The following SRP68 variants were observed in gnomAD, a reference collection of about 807,000 sequenced individuals.
The protein encoded by SRP68 is signal recognition particle 68.
SRP68 carries 15 observed loss-of-function variants against 82.2 expected under a neutral mutation model. The ratio of observed to expected loss-of-function variants is 0.18; its 90% CI spans 0.12 to 0.28. The LOEUF (loss-of-function observed/expected upper bound fraction) is 0.28. Ranked by LOEUF, SRP68 falls within the 10% of genes least tolerant of loss-of-function variation. The pLI is 1.00. For synonymous variants in SRP68, 261 were observed against 292.6 expected, an observed-to-expected ratio of 0.89 and a Z score of 1.10; for missense variants, 595 against 780.5, an observed-to-expected ratio of 0.76 and a Z score of 2.83.
intron 3 of SRP68, among the ~76,000 whole-genome samples, chr17:76,065,818 T>C (rs1487666737): frequency 6.6e-6 from 1 of 151,936 alleles, no homozygotes; most frequent in Non-Finnish European, 1.5e-5. Context: ...CATTGCACTT[T>C]TACTGTAGCA....
chr17:76,065,324 T>G (rs1220303651), intron 3 of SRP68, among the ~76,000 whole-genome samples: 1 of 150,822 alleles, frequency 6.6e-6, no homozygotes, highest in Non-Finnish European at 1.5e-5. Flanking sequence ...GGCATGGTGG[T>G]ACATGCCTAT....
rs1228917043 is a variant in SRP68 at position 76,046,620 on chromosome 17, A to T, written c.1143-426T>A. 5.3e-5 allele frequency among the ~76,000 whole-genome samples: 8 copies of T among 151,988 alleles called. No individual in the cohort carries two copies. The East Asian group carries it at 1.4e-3, about 26-fold the overall frequency. ...AATAGAGCAAAACCTTGACTCTAAA[A>T]ATTGAAAACAACAACAACAACAAAA... On this transcript the variant is annotated intron_variant, in intron 10 of 15. Coordinates refer to ENST00000307877, the MANE Select transcript of SRP68 (RefSeq NM_014230.4).
chr17:76,072,123 C>G lies in SRP68; in HGVS notation c.184+185G>C. On this transcript the variant is annotated intron_variant, in intron 1 of 15. Transcript: ENST00000307877. This position sits in a 1 kb window ranked among gnomAD's most constrained non-coding sequence, Gnocchi z 4.5. ...CCTAGCCAGGACGGCGAGGGGGACA[C>G]GAGGAAAGACTAGTCGAGAGACAGA... 8.5e-7 allele frequency: 1 copy of G among 1,179,048 alleles called. No homozygotes were observed. Among genetic ancestry groups the G allele is most frequent in the Non-Finnish European group, 1.2e-6 (1 of 850,896 alleles). The allele number at this position is 1,179,048 out of a possible 1,614,324, so 73.0% of individuals were successfully genotyped here.
intron 4 of SRP68, among the ~76,000 whole-genome samples, chr17:76,062,394 T>C (rs2066758929): frequency 6.9e-6 from 1 of 145,330 alleles, no homozygotes; most frequent in Non-Finnish European, 1.5e-5. Flanking sequence ...AGTTCATGAC[T>C]GCAGCGAGCC....
Position 76,072,182 on chromosome 17 carries a change from G to C in SRP68, c.184+126C>G. 6.4e-7 allele frequency: 1 copy of C among 1,552,060 alleles called. No individual in the cohort carries two copies. Among genetic ancestry groups the C allele is most frequent in the Non-Finnish European group, 8.6e-7 (1 of 1,157,500 alleles). ...GGAATTCTGAGCACCAAAAGGTAAG[G>C]GCGAGAGAAACTGCAACCCTCGGCC... is the stretch of plus-strand genomic sequence containing the variant. On this transcript the variant is annotated intron_variant, in intron 1 of 15. Transcript: ENST00000307877. This position sits in a 1 kb window ranked among gnomAD's most constrained non-coding sequence, Gnocchi z 4.5.
chr17:76,060,480 C>T (rs1476891452), intron 6 of SRP68, 90 bp from the exon 7 acceptor site: 8 of 821,370 alleles, frequency 9.7e-6, no homozygotes, highest in Non-Finnish European at 1.6e-5. Context: ...AGCTCTTCCC[C>T]CTCCACATGC....
At chr17:76,065,978 G>C (rs1363333201) in intron 3 of SRP68, among the ~76,000 whole-genome samples, 1 of 151,564 alleles carries the variant, frequency 6.6e-6, no homozygotes, top group Non-Finnish European at 1.5e-5. Context: ...ATGTGAATGG[G>C]CGTGGCTGGG....
In SRP68 at chr17:76,061,128, A is replaced by T; in HGVS notation, c.736T>A (p.Tyr246Asn). ...RVEEISPNIRYCAYNIGDQSA... is the reference protein window; with the variant it reads ...RVEEISPNIRNCAYNIGDQSA... ...CTCTCACCAATATTATATGCACAAT[A>T]GCGGATGTTGGGTGAAATCTCTTCC... Residue 246 changes from tyrosine to asparagine, a missense_variant, in exon 6 of 16, where the codon TAT becomes AAT. By Grantham distance (143) the Tyr-to-Asn change is moderately radical (BLOSUM62 -2). Transcript: ENST00000307877. The T allele has an allele frequency of 6.2e-7, 1 of 1,611,408 alleles. No individual in the cohort carries two copies. Among genetic ancestry groups the T allele is most frequent in the Non-Finnish European group, 8.5e-7 (1 of 1,177,492 alleles).
intron 11 of SRP68, 39 bp from the exon 12 acceptor site, chr17:76,045,425 G>A: frequency 1.4e-6 from 2 of 1,472,600 alleles, no homozygotes; most frequent in Non-Finnish European, 1.9e-6. Flanking sequence ...ATGAAGAGTA[G>A]ATCTTAGGTT....
At chr17:76,049,835 G>A (rs543649323) in intron 9 of SRP68, among the ~76,000 whole-genome samples, 1 of 152,292 alleles carries the variant, frequency 6.6e-6, no homozygotes, top group East Asian at 1.9e-4. Flanking sequence ...TCAATCCCTA[G>A]AGGAAATCAC....
chr17:76,051,447 G>GA (rs1209252263), intron 8 of SRP68, among the ~76,000 whole-genome samples: 3 of 152,078 alleles, frequency 2.0e-5, no homozygotes, highest in Admixed American at 6.5e-5. Flanking sequence ...CACTCAATCT[G>GA]AAAAAATGTG....
intron 13 of SRP68, among the ~76,000 whole-genome samples, chr17:76,041,900 TTTC>T (rs1220966549): frequency 1.3e-5 from 2 of 152,024 alleles, no homozygotes; most frequent in Non-Finnish European, 2.9e-5. Context: ...TGCTTTTTTT[TTTC>T]TTTTTTTGAG....
chr17:76,059,771 G>A (rs2066737640), intron 7 of SRP68, among the ~76,000 whole-genome samples: 3 of 123,908 alleles, frequency 2.4e-5, no homozygotes, highest in African/African-American at 3.4e-5. Context: ...TAGCCTGAGC[G>A]ACAGAGTAAG....
chr17:76,072,146 A>G lies in SRP68; in HGVS notation c.184+162T>C. The G allele has an allele frequency of 7.8e-7, 1 of 1,280,060 alleles. No homozygotes were observed. Among genetic ancestry groups the G allele is most frequent in the South Asian group, 1.4e-5 (1 of 73,776 alleles). 79.3% of individuals were successfully genotyped at this position (1,280,060 alleles called of 1,614,324 possible). ...CACGAGGAAAGACTAGTCGAGAGACAGACCCCCCCCGGAATTCTGAGCACC... is the reference window on the plus strand; with the variant it reads ...CACGAGGAAAGACTAGTCGAGAGACGGACCCCCCCCGGAATTCTGAGCACC... On this transcript the variant is annotated intron_variant, in intron 1 of 15. Transcript: ENST00000307877. The surrounding 1 kb of genome is among the most constrained non-coding windows in gnomAD (Gnocchi z 4.5).
rs773628297 is a variant in SRP68, at chr17:76,067,328, C to A, written c.254G>T (p.Gly85Val). The A allele has an allele frequency of 2.5e-6, 4 of 1,609,206 alleles. No individual in the cohort carries two copies. The South Asian group carries it at 3.3e-5, about 13-fold the overall frequency. The change falls in exon 3 of 16, where the codon GGC becomes GTC. Residue 85 changes from glycine (G) to valine (V), a missense_variant and splice_region_variant. Gly to Val is a moderately radical substitution (Grantham distance 109, BLOSUM62 -3). This residue lies in a region of SRP68 where 495 missense variants were observed against 688.6 expected (regional missense o/e 0.72). Coordinates refer to ENST00000307877, the MANE Select transcript of SRP68 (RefSeq NM_014230.4). ...ACGTCTTTGTCTACGGGAACAGTAG[C>A]CCCTGTAAGAAACCACAAACAAAAC... ...LRHGDFQRYR[G>V]YCSRRQRRLR...
chr17:76,062,081 T>C (rs999110167), intron 4 of SRP68, among the ~76,000 whole-genome samples: 7 of 151,928 alleles, frequency 4.6e-5, no homozygotes, highest in Non-Finnish European at 8.8e-5. Context: ...GGTCAGGAGT[T>C]GGGGACCAGC....
intron 7 of SRP68, among the ~76,000 whole-genome samples, chr17:76,058,922 G>A (rs942497759): frequency 3.9e-5 from 6 of 152,200 alleles, no homozygotes; most frequent in African/African-American, 1.4e-4. Context: ...GGAGTACCAT[G>A]CAGCCATCAA....
intron 4 of SRP68, among the ~76,000 whole-genome samples, chr17:76,063,432 T>A (rs997010875): frequency 2.0e-5 from 3 of 152,132 alleles, no homozygotes; most frequent in Non-Finnish European, 4.4e-5. Context: ...ACGCTTGCAA[T>A]CCCAGCACTT....
Position 76,039,055 on chromosome 17 carries a change from G to C in SRP68, c.*651C>G, listed in dbSNP as rs2066568952. On this transcript the variant is annotated 3_prime_UTR_variant, in exon 16 of 16. Transcript: ENST00000307877. ...CTTCACGCAACTAGGCTCCCGAGGA[G>C]AGAACGGGGACTGGACATGAGGGAG... is the stretch of plus-strand genomic sequence containing the variant. 1 of 242,080 alleles carries C rather than the reference G, an allele frequency of 4.1e-6. No individual in the cohort carries two copies. 15.0% of individuals were successfully genotyped at this position (242,080 alleles called of 1,614,324 possible).
Sources: allele counts gnomAD v4.1 joint callset (sites outside exome capture counted in the v4.1 genomes callset), GRCh38; gene constraint gnomAD v4.1.1; regional missense constraint gnomAD v4.1.1; non-coding constraint Gnocchi (gnomAD v3.1); transcripts MANE v1.5; gene names NCBI Gene and HGNC (gene_info 2026-07-23, HGNC 2026-07-21).